RAB38: variants seen among roughly 807,000 people sequenced by gnomAD.
RAB38 encodes the protein ras-related protein Rab-38.
RAB38 carries 15 observed loss-of-function variants against 18.4 expected under a neutral mutation model. The observed-to-expected ratio is 0.82, with a 90% CI of 0.55 to 1.26. The LOEUF is 1.26. Ranked by LOEUF, RAB38 falls within the 50% of genes most tolerant of loss-of-function variation. The pLI, the probability that RAB38 is intolerant of heterozygous loss-of-function variation, is 0.00. For synonymous variants in RAB38, 101 were observed against 104.4 expected, an observed-to-expected ratio of 0.97 and a Z score of 0.20; for missense variants, 294 against 267.4, an observed-to-expected ratio of 1.10 and a Z score of -0.69.
the RAB38 span, among the ~76,000 whole-genome samples, chr11:87,977,707 T>C: frequency 2.0e-5 from 2 of 102,506 alleles, no homozygotes; most frequent in African/African-American, 7.9e-5. Context: ...AGGGATATAT[T>C]ATATATTTAT....
At chr11:88,062,180 T>C in the RAB38 span, 1 of 152,152 alleles carries the variant, frequency 6.6e-6, no homozygotes, top group South Asian at 2.1e-4. Flanking sequence ...TCCCCACATG[T>C]TAAGGGAGGG....
chr11:87,849,479 C>A, the RAB38 span, among the ~76,000 whole-genome samples: 1 of 152,122 alleles, frequency 6.6e-6, no homozygotes, highest in Non-Finnish European at 1.5e-5. Flanking sequence ...TCTTGTCACA[C>A]AGACAGAACT....
the RAB38 span, among the ~76,000 whole-genome samples, chr11:87,887,133 A>G: frequency 1.1e-3 from 164 of 152,082 alleles, no homozygotes; most frequent in Middle Eastern, 6.8e-3. Flanking sequence ...AAAGCCGAGC[A>G]GGCTTGAGAC....
chr11:88,131,209 A>G (rs1942763875), intron 2 of RAB38, among the ~76,000 whole-genome samples: 1 of 152,232 alleles, frequency 6.6e-6, no homozygotes, highest in Non-Finnish European at 1.5e-5. Context: ...ATAGTTCACC[A>G]TAGAAATCCT....
chr11:87,819,411 T>A, the RAB38 span, among the ~76,000 whole-genome samples: 4 of 149,610 alleles, frequency 2.7e-5, no homozygotes, highest in African/African-American at 1.0e-4. Flanking sequence ...AACAGGCCAC[T>A]GAAAAACGAG....
chr11:87,952,574 G>A, the RAB38 span, among the ~76,000 whole-genome samples: 2 of 152,126 alleles, frequency 1.3e-5, no homozygotes, highest in African/African-American at 2.4e-5. Flanking sequence ...TGGTCCAAGA[G>A]GAACACAGCT....
chr11:88,129,129 T>G (rs923939458), intron 2 of RAB38, among the ~76,000 whole-genome samples: 1 of 152,158 alleles, frequency 6.6e-6, no homozygotes, highest in Admixed American at 6.5e-5. Flanking sequence ...ACTTACACAT[T>G]ACCCAACAGA....
chr11:88,021,563 AATTT>A, the RAB38 span, among the ~76,000 whole-genome samples: 247 of 141,952 alleles, frequency 1.7e-3, 1 homozygote, highest in East Asian at 0.011. Context: ...AGAGAAAGAT[AATTT>A]ATTTATTTAT....
the RAB38 span, among the ~76,000 whole-genome samples, chr11:87,893,459 A>G: frequency 5.5e-5 from 8 of 145,998 alleles, no homozygotes; most frequent in Non-Finnish European, 1.2e-4. Context: ...CCAATCAACT[A>G]TGGTCAGGAG....
At chr11:87,975,714 T>C in the RAB38 span, among the ~76,000 whole-genome samples, 2 of 151,764 alleles carry the variant, frequency 1.3e-5, no homozygotes, top group Non-Finnish European at 2.9e-5. Flanking sequence ...ATTCTAAATA[T>C]GCTGTAATAA....
intron 2 of RAB38, among the ~76,000 whole-genome samples, chr11:88,148,913 A>G (rs1008157848): frequency 1.3e-5 from 2 of 152,184 alleles, no homozygotes; most frequent in Non-Finnish European, 2.9e-5. Context: ...AAATTTTGCC[A>G]TGAAAGTATT....
chr11:88,044,082 G>C, the RAB38 span, among the ~76,000 whole-genome samples: 3 of 152,120 alleles, frequency 2.0e-5, no homozygotes, highest in Non-Finnish European at 4.4e-5. Context: ...TTCGGGTAGA[G>C]ACAAAGGAGA....
At chr11:88,142,821 C>A (rs139381016) in intron 2 of RAB38, among the ~76,000 whole-genome samples, 1 of 152,146 alleles carries the variant, frequency 6.6e-6, no homozygotes, top group African/African-American at 2.4e-5. Context: ...AACGGCTAGA[C>A]GAAAAGTATA....
the RAB38 span, among the ~76,000 whole-genome samples, chr11:88,004,657 G>A: frequency 6.6e-6 from 1 of 151,168 alleles, no homozygotes; most frequent in Non-Finnish European, 1.5e-5. Context: ...AGAAAAATAT[G>A]TAAAAAGTAC....
the RAB38 span, among the ~76,000 whole-genome samples, chr11:87,874,749 T>C: frequency 6.6e-6 from 1 of 151,320 alleles, no homozygotes; most frequent in Non-Finnish European, 1.5e-5. Context: ...CAAAGAGATA[T>C]CACCTTACAT....
At chr11:87,964,095 T>G in the RAB38 span, among the ~76,000 whole-genome samples, 1 of 152,162 alleles carries the variant, frequency 6.6e-6, no homozygotes, top group Non-Finnish European at 1.5e-5. Flanking sequence ...AATTATGGCT[T>G]GTATATCAGT....
At chr11:87,909,677 T>C in the RAB38 span, among the ~76,000 whole-genome samples, 1 of 152,060 alleles carries the variant, frequency 6.6e-6, no homozygotes, top group East Asian at 1.9e-4. Context: ...CCAGCATTCA[T>C]ACAGTATATG....
At chr11:88,118,867 T>G (rs1170537494) in intron 2 of RAB38, among the ~76,000 whole-genome samples, 1 of 152,200 alleles carries the variant, frequency 6.6e-6, no homozygotes, top group Admixed American at 6.5e-5. Flanking sequence ...CTTTGTTTAT[T>G]AAATAATACT....
the RAB38 span, among the ~76,000 whole-genome samples, chr11:88,014,176 T>C: frequency 6.6e-6 from 1 of 152,156 alleles, no homozygotes; most frequent in Admixed American, 6.6e-5. Flanking sequence ...CAGTTACTTA[T>C]ATATACTGTC....
Sources: allele counts gnomAD v4.1 joint callset (sites outside exome capture counted in the v4.1 genomes callset), GRCh38; gene constraint gnomAD v4.1.1; transcripts MANE v1.5; gene names NCBI Gene and HGNC (gene_info 2026-07-23, HGNC 2026-07-21).